CDH12: variants seen among roughly 807,000 people sequenced by gnomAD.
The protein encoded by CDH12 is cadherin 12, also known as cadherin-12.
Under a neutral mutation model 74.1 loss-of-function variants are expected in CDH12, and 41 were observed. The observed-to-expected ratio is 0.55, with a 90% confidence interval of 0.43 to 0.72. CDH12 has a LOEUF of 0.72. CDH12 is among the 30% of genes least tolerant of loss of function. The pLI, the probability that CDH12 is intolerant of heterozygous loss-of-function variation, is 0.00. For missense variants in CDH12, 945 were observed against 977.2 expected (o/e 0.97, Z 0.44); for synonymous variants, 399 against 355.0 (o/e 1.12, Z -1.39).
At chr5:22,424,302 T>C (rs1743799456) in intron 2 of CDH12, among the ~76,000 whole-genome samples, 1 of 152,130 alleles carries the variant, frequency 6.6e-6, no homozygotes, top group African/African-American at 2.4e-5. Context: ...AATCAGAGGA[T>C]GTAAAAGCAC....
intron 8 of CDH12, among the ~76,000 whole-genome samples, chr5:21,839,065 C>T (rs1749696530): frequency 6.6e-6 from 1 of 152,166 alleles, no homozygotes; most frequent in Admixed American, 6.6e-5. Context: ...TTTCACAATG[C>T]CACTTTTTAT....
intron 1 of CDH12, among the ~76,000 whole-genome samples, chr5:22,523,024 T>A (rs1022230379): frequency 6.6e-6 from 1 of 152,174 alleles, no homozygotes; most frequent in Non-Finnish European, 1.5e-5. Context: ...TCTGCTGAAA[T>A]TGACTTCTTA....
chr5:22,731,689 A>C (rs929305762), intron 1 of CDH12, among the ~76,000 whole-genome samples: 1 of 151,858 alleles, frequency 6.6e-6, no homozygotes, highest in East Asian at 1.9e-4. Flanking sequence ...GGAAATGTTT[A>C]ATTCTTGGAA....
intron 1 of CDH12, among the ~76,000 whole-genome samples, chr5:22,667,525 T>C (rs1740687117): frequency 6.6e-6 from 1 of 152,214 alleles, no homozygotes; most frequent in Non-Finnish European, 1.5e-5. Flanking sequence ...GGACCTCCTT[T>C]GGTCTACTTC....
At chr5:22,067,958 A>T (rs772990994) in intron 5 of CDH12, among the ~76,000 whole-genome samples, 3 of 152,122 alleles carry the variant, frequency 2.0e-5, no homozygotes, top group Non-Finnish European at 2.9e-5. Flanking sequence ...AGCCTGGGTG[A>T]CAGAGTGAGA....
At chr5:22,590,754 C>A (rs1353489114) in intron 1 of CDH12, among the ~76,000 whole-genome samples, 1 of 152,132 alleles carries the variant, frequency 6.6e-6, no homozygotes, top group Admixed American at 6.6e-5. Context: ...ATGGCATCTC[C>A]ATTTGCTCCG....
chr5:22,344,564 A>C (rs1740029117), intron 3 of CDH12, among the ~76,000 whole-genome samples: 1 of 152,144 alleles, frequency 6.6e-6, no homozygotes, highest in South Asian at 2.1e-4. Context: ...CCCACAGCTA[A>C]CAGCTATGTA....
intron 8 of CDH12, among the ~76,000 whole-genome samples, chr5:21,824,536 C>T (rs895323338): frequency 1.1e-4 from 16 of 152,134 alleles, no homozygotes; most frequent in Admixed American, 8.5e-4. Flanking sequence ...TCTTGCCATT[C>T]CTTTTGTTGT....
chr5:22,757,784 TG>T (rs1746005985), intron 1 of CDH12, among the ~76,000 whole-genome samples: 1 of 152,184 alleles, frequency 6.6e-6, no homozygotes. Flanking sequence ...AAGAAAGAAT[TG>T]GTCCCAAAAG....
intron 3 of CDH12, among the ~76,000 whole-genome samples, chr5:22,367,850 C>G (rs1350498291): frequency 1.3e-5 from 2 of 152,110 alleles, no homozygotes; most frequent in African/African-American, 2.4e-5. Context: ...TTTGTGCCTA[C>G]CATTGCATTC....
At chr5:21,998,195 A>G (rs1162118758) in intron 5 of CDH12, among the ~76,000 whole-genome samples, 1 of 152,048 alleles carries the variant, frequency 6.6e-6, no homozygotes, top group Non-Finnish European at 1.5e-5. Context: ...ATTTAATTAT[A>G]ATAAGCTTTA....
chr5:22,754,180 T>C (rs1192474653), intron 1 of CDH12, among the ~76,000 whole-genome samples: 1 of 152,104 alleles, frequency 6.6e-6, no homozygotes, highest in Admixed American at 6.5e-5. Flanking sequence ...ATTGAATCAG[T>C]AAAAAATACC....
chr5:22,322,407 T>C (rs1211974364), intron 3 of CDH12, among the ~76,000 whole-genome samples: 1 of 152,158 alleles, frequency 6.6e-6, no homozygotes, highest in African/African-American at 2.4e-5. Flanking sequence ...TTTAATGTTA[T>C]TCACAAGAGC....
intron 1 of CDH12, chr5:22,639,109 G>A (rs1159188881): frequency 7.1e-6 from 1 of 140,526 alleles, no homozygotes; most frequent in Admixed American, 7.3e-5. Context: ...AGAAGCAGAC[G>A]TTTTGGCTAA....
chr5:22,163,425 G>A (rs1425804002), intron 4 of CDH12, among the ~76,000 whole-genome samples: 1 of 152,030 alleles, frequency 6.6e-6, no homozygotes, highest in Non-Finnish European at 1.5e-5. Flanking sequence ...CTCAAACTTG[G>A]CATGCACAAA....
chr5:22,629,233 T>C (rs1738454251), intron 1 of CDH12, among the ~76,000 whole-genome samples: 1 of 152,038 alleles, frequency 6.6e-6, no homozygotes, highest in Non-Finnish European at 1.5e-5. Flanking sequence ...GAGGATCTCC[T>C]ACCCTAACTC....
chr5:22,585,938 C>T (rs1010045591), intron 1 of CDH12, among the ~76,000 whole-genome samples: 1 of 152,122 alleles, frequency 6.6e-6, no homozygotes, highest in Non-Finnish European at 1.5e-5. Context: ...GTGGCGATTC[C>T]TCAGGGATCT....
intron 1 of CDH12, chr5:22,639,040 G>C (rs1738992209): frequency 1.9e-5 from 2 of 105,512 alleles, no homozygotes; most frequent in South Asian, 6.5e-4. Context: ...GTCAGAGTGA[G>C]AGTCCGCCTC....
At chr5:22,500,122 C>A (rs900791527) in intron 2 of CDH12, among the ~76,000 whole-genome samples, 3 of 152,066 alleles carry the variant, frequency 2.0e-5, no homozygotes, top group Admixed American at 6.6e-5. Context: ...GGGAAATTAA[C>A]AGATTAGCCT....
Sources: allele counts gnomAD v4.1 joint callset (sites outside exome capture counted in the v4.1 genomes callset), GRCh38; gene constraint gnomAD v4.1.1; transcripts MANE v1.5; gene names NCBI Gene and HGNC (gene_info 2026-07-23, HGNC 2026-07-21).